Variants in CDH1 observed in about 807,000 individuals in gnomAD.
The protein encoded by CDH1 is cadherin 1, also known as cadherin-1.
In CDH1, 35 loss-of-function variants were observed where a neutral mutation model predicts 84.5. The observed-to-expected ratio is 0.41, with a 90% CI of 0.32 to 0.55. The LOEUF (loss-of-function observed/expected upper bound fraction) is 0.55, where lower values mean the gene tolerates loss of function less well. Among genes scored for constraint, CDH1 ranks in the 20% least tolerant of loss-of-function variants. The pLI is 0.19. For synonymous variants in CDH1, 417 were observed against 439.0 expected (o/e 0.95, Z 0.63); for missense variants, 994 against 1,126.6 (o/e 0.88, Z 1.68).
chr16:68,774,473 T>C (rs1363632517), intron 2 of CDH1, among the ~76,000 whole-genome samples: 2 of 152,064 alleles, frequency 1.3e-5, no homozygotes, highest in African/African-American at 2.4e-5. Context: ...TGAGCCAAGA[T>C]TGCACCACTG....
At position 68,813,462 on chromosome 16, in the gene CDH1, A is replaced by G. The variant is rs2152133610; in HGVS notation, c.1287A>G (p.Pro429=). Residue 429 remains proline (P), a synonymous_variant, in exon 9 of 16, where the codon CCA becomes CCG. Coordinates refer to ENST00000261769, the MANE Select transcript of CDH1 (RefSeq NM_004360.5). ...DGGQFVVTTN[P]VNNDGILKTA... is the part of the protein sequence containing the mutation. The stretch of plus-strand genomic sequence containing the variant: ...GACAATTTGTCGTCACCACAAATCC[A>G]GTGAACAACGATGGCATTTTGAAAA... 1 of 1,614,220 alleles carries G rather than the reference A, an allele frequency of 6.2e-7. No individual in the cohort carries two copies. Among genetic ancestry groups the G allele is most frequent in the Non-Finnish European group, 8.5e-7 (1 of 1,180,032 alleles).
At chr16:68,750,176 C>G (rs972079008) in intron 2 of CDH1, among the ~76,000 whole-genome samples, 6 of 34,012 alleles carry the variant, frequency 1.8e-4, no homozygotes, top group Non-Finnish European at 5.8e-4. Context: ...TGGAAGGCCT[C>G]TTTTGTCTTT....
chr16:68,816,882 G>A (rs1961002578), intron 10 of CDH1, among the ~76,000 whole-genome samples: 1 of 152,216 alleles, frequency 6.6e-6, no homozygotes, highest in Non-Finnish European at 1.5e-5. Context: ...AAAGAATGAT[G>A]AAAAGTCAAA....
intron 2 of CDH1, among the ~76,000 whole-genome samples, chr16:68,766,990 T>C (rs1959409849): frequency 6.6e-6 from 1 of 151,732 alleles, no homozygotes; most frequent in East Asian, 1.9e-4. Flanking sequence ...GCCTCCCAAA[T>C]TGCTGGGATT....
rs748114797 is a variant in CDH1, at chr16:68,823,445, T to G, written c.1983T>G (p.Gly661=). The G allele has an allele frequency of 6.2e-7, 1 of 1,614,022 alleles. No individual in the cohort carries two copies. Among genetic ancestry groups the G allele is most frequent in the Non-Finnish European group, 8.5e-7 (1 of 1,179,992 alleles). Residue 661 remains glycine (G), a synonymous_variant, in exon 13 of 16, where the codon GGT becomes GGG. Coordinates refer to ENST00000261769, the MANE Select transcript of CDH1 (RefSeq NM_004360.5). ...ILKPKMALEV[G]DYKINLKLMD... Reference sequence around the variant, plus strand: ...AGCCAAAGATGGCCTTAGAGGTGGGTGACTACAAAATCAATCTCAAGCTCA... The same window carrying G: ...AGCCAAAGATGGCCTTAGAGGTGGGGGACTACAAAATCAATCTCAAGCTCA...
chr16:68,828,074 G>A (rs1961367192), intron 13 of CDH1, 100 bp from the exon 14 acceptor site: 2 of 1,354,830 alleles, frequency 1.5e-6, no homozygotes, highest in Non-Finnish European at 2.1e-6. Flanking sequence ...CTGTCTAACT[G>A]CCCCCTGTCT....
rs151261543 is a variant in CDH1, at chr16:68,807,550, A to G, written c.388-874A>G. On this transcript the variant is annotated intron_variant, in intron 3 of 15. Coordinates refer to ENST00000261769, the MANE Select transcript of CDH1 (RefSeq NM_004360.5). ...AAAAATTAGGTGCACATGGTGGTGCATGGTGGTGGATGCCTGTAGTTCCAG... is the reference window on the plus strand; with the variant it reads ...AAAAATTAGGTGCACATGGTGGTGCGTGGTGGTGGATGCCTGTAGTTCCAG... 3.7e-3 allele frequency among the ~76,000 whole-genome samples: 565 copies of G among 152,146 alleles called. 1 individual carries two copies. Among genetic ancestry groups the G allele is most frequent in the African/African-American group, 0.012 (509 of 41,526 alleles).
At position 68,813,803 on chromosome 16, in the gene CDH1, G is replaced by A. The variant is rs371732979; in HGVS notation, c.1320+308G>A. On this transcript the variant is annotated intron_variant, in intron 9 of 15. Transcript: ENST00000261769. ...AAAAATTAGCCAGGCATGGTGGCAC[G>A]TGCCTGTAATCTCAGCTACTAGGGA... 7.2e-5 allele frequency among the ~76,000 whole-genome samples: 11 copies of A among 152,174 alleles called. 1 individual carries two copies. The highest frequency in any genetic ancestry group is 2.2e-4 in the African/African-American group (9 of 41,498).
intron 2 of CDH1, among the ~76,000 whole-genome samples, chr16:68,779,890 G>A (rs900102895): frequency 2.6e-5 from 4 of 152,058 alleles, no homozygotes; most frequent in African/African-American, 7.2e-5. Context: ...GGCAACTGAG[G>A]CCACAGTGTC....
chr16:68,777,329 A>G (rs988303126), intron 2 of CDH1, among the ~76,000 whole-genome samples: 1 of 152,190 alleles, frequency 6.6e-6, no homozygotes, highest in Non-Finnish European at 1.5e-5. Context: ...CATATGCCTC[A>G]GTTTTCTCAT....
chr16:68,822,001 G>A lies in CDH1; in HGVS notation c.1712G>A (p.Gly571Asp), dbSNP rs1961155617. The part of the protein sequence containing the change: ...YTALIIATDN[G>D]SPVATGTGTL... The stretch of plus-strand genomic sequence containing the variant: ...ACATTTTCTGTGTATTTTCTCTTAG[G>A]TTCTCCAGTTGCTACTGGAACAGGG... The change falls in exon 12 of 16, where the codon GGT becomes GAT. Residue 571 changes from glycine (G) to aspartate (D), a missense_variant and splice_region_variant. Coordinates refer to ENST00000261769, the MANE Select transcript of CDH1 (RefSeq NM_004360.5). The A allele has an allele frequency of 6.2e-7, 1 of 1,610,566 alleles. No individual in the cohort carries two copies.
At chr16:68,787,320 C>T (rs1960081371) in intron 2 of CDH1, among the ~76,000 whole-genome samples, 1 of 152,064 alleles carries the variant, frequency 6.6e-6, no homozygotes, top group Non-Finnish European at 1.5e-5. Context: ...TTGACAAGGC[C>T]CTGACCTTGA....
At chr16:68,778,378 T>G (rs1249638125) in intron 2 of CDH1, among the ~76,000 whole-genome samples, 1 of 152,204 alleles carries the variant, frequency 6.6e-6, no homozygotes, top group Non-Finnish European at 1.5e-5. Context: ...AATTTTGTGT[T>G]GTGTTAATGA....
chr16:68,775,528 C>A (rs1959708017), intron 2 of CDH1, among the ~76,000 whole-genome samples: 1 of 152,082 alleles, frequency 6.6e-6, no homozygotes, highest in African/African-American at 2.4e-5. Flanking sequence ...TTTTTGTTCT[C>A]CCACTTTGGA....
Position 68,812,276 on chromosome 16 carries a change from C to T in CDH1, c.1137+13C>T, listed in dbSNP as rs928350847. On this transcript the variant is annotated intron_variant, in intron 8 of 15. Transcript: ENST00000261769. ...CAATCCCACCACGGTAATTCTATAA[C>T]TCCTTAGAGGGTTTCCAAAGAAAGG... 1 of 1,613,784 alleles carries T rather than the reference C, an allele frequency of 6.2e-7. No homozygotes were observed. The highest frequency in any genetic ancestry group is 8.5e-7 in the Non-Finnish European group (1 of 1,179,744).
chr16:68,786,921 C>T (rs536951180), intron 2 of CDH1, among the ~76,000 whole-genome samples: 9 of 152,264 alleles, frequency 5.9e-5, no homozygotes, highest in Non-Finnish European at 8.8e-5. Context: ...GCAGAGGGTC[C>T]GAGCCTTTCC....
intron 2 of CDH1, among the ~76,000 whole-genome samples, chr16:68,750,150 C>CTTTTTTTTGTTTTTTTTTTTTTTTT (rs1962851055): frequency 1.3e-5 from 1 of 79,094 alleles, no homozygotes; most frequent in Non-Finnish European, 2.6e-5. Flanking sequence ...TAGAATTCAG[C>CTTTTTTTTGTTTTTTTTTTTTTTTT]TTTTTTTTTT....
At chr16:68,775,832 G>A (rs753412813) in intron 2 of CDH1, among the ~76,000 whole-genome samples, 14 of 152,156 alleles carry the variant, frequency 9.2e-5, no homozygotes, top group Non-Finnish European at 1.9e-4. Flanking sequence ...AGGTGTGGTC[G>A]TTTTCCAAAG....
At chr16:68,765,582 G>A (rs1959352174) in intron 2 of CDH1, 1 of 151,988 alleles carries the variant, frequency 6.6e-6, no homozygotes, top group Admixed American at 6.6e-5. Context: ...AGGCATTTTA[G>A]TTATTTGATT....
Sources: allele counts gnomAD v4.1 joint callset (sites outside exome capture counted in the v4.1 genomes callset), GRCh38; gene constraint gnomAD v4.1.1; transcripts MANE v1.5; gene names NCBI Gene and HGNC (gene_info 2026-07-23, HGNC 2026-07-21).